Variants in CFAP77 observed in about 807,000 individuals in gnomAD.
The protein encoded by CFAP77 is cilia and flagella associated protein 77.
CFAP77 carries 25 observed loss-of-function variants against 31.1 expected under a neutral mutation model. That is an observed-to-expected ratio of 0.80 (90% CI 0.59 to 1.12). The LOEUF (loss-of-function observed/expected upper bound fraction) is 1.12. CFAP77 is among the 50% of genes most tolerant of loss of function. The pLI is 0.00. For synonymous variants in CFAP77, 151 were observed against 159.9 expected (o/e 0.94, Z 0.42); for missense variants, 377 against 397.3 (o/e 0.95, Z 0.44).
chr9:132,509,473 C>T (rs1171055406), intron 3 of CFAP77, among the ~76,000 whole-genome samples: 2 of 152,094 alleles, frequency 1.3e-5, no homozygotes, highest in Non-Finnish European at 2.9e-5. Context: ...TAAAAGGGGC[C>T]CAGGCTGAGG....
At chr9:132,566,499 T>A (rs1829885589) in intron 5 of CFAP77, among the ~76,000 whole-genome samples, 2 of 152,330 alleles carry the variant, frequency 1.3e-5, no homozygotes, top group Admixed American at 1.3e-4. Flanking sequence ...GGGCTCAACA[T>A]GCCAGTTCTG....
At chr9:132,437,185 C>T (rs1537400) in intron 1 of CFAP77, among the ~76,000 whole-genome samples, 6,708 of 152,252 alleles carry the variant, frequency 0.044, 225 homozygotes, top group Non-Finnish European at 0.062. Flanking sequence ...ATCGCCTTGT[C>T]CCCAAGCACT....
intron 1 of CFAP77, among the ~76,000 whole-genome samples, chr9:132,411,857 A>G (rs1444977673): frequency 4.1e-5 from 3 of 73,312 alleles, no homozygotes; most frequent in African/African-American, 5.5e-5. Context: ...GCTGAGCAAT[A>G]TGTACACACA....
chr9:132,432,714 T>C (rs575843830), intron 1 of CFAP77, among the ~76,000 whole-genome samples: 44 of 151,260 alleles, frequency 2.9e-4, no homozygotes, highest in Non-Finnish European at 5.9e-4. Flanking sequence ...ATTTTTTGTT[T>C]TGTTTTGTTT....
intron 1 of CFAP77, among the ~76,000 whole-genome samples, chr9:132,434,579 G>A (rs923323334): frequency 2.6e-5 from 4 of 151,966 alleles, no homozygotes; most frequent in Non-Finnish European, 4.4e-5. Context: ...CTCCATGAAG[G>A]AAGGCACAGC....
In CFAP77 at chr9:132,427,024, C is replaced by T. The variant is rs1330677675; in HGVS notation, c.195+16558C>T. Among the ~76,000 whole-genome samples, 5 of 152,082 alleles carry T rather than the reference C, an allele frequency of 3.3e-5. No homozygotes were observed. In the South Asian group the frequency reaches 6.2e-4, roughly 19 times the overall value. Reference sequence around the variant, plus strand: ...AGGTGATCATTATGTGGTTATTAATCGAAATATAAAGAAGACACTGCCTAA... The same window carrying T: ...AGGTGATCATTATGTGGTTATTAATTGAAATATAAAGAAGACACTGCCTAA... On this transcript the variant is annotated intron_variant, in intron 1 of 5. Coordinates refer to ENST00000393216, the MANE Select transcript of CFAP77 (RefSeq NM_001282957.2).
intron 1 of CFAP77, among the ~76,000 whole-genome samples, chr9:132,420,790 G>C (rs1850201465): frequency 6.6e-6 from 1 of 152,298 alleles, no homozygotes; most frequent in African/African-American, 2.4e-5. Flanking sequence ...CAAGGATACA[G>C]GGGTAAACCC....
chr9:132,444,303 G>T (rs968360065), intron 1 of CFAP77, among the ~76,000 whole-genome samples: 1 of 152,210 alleles, frequency 6.6e-6, no homozygotes, highest in Non-Finnish European at 1.5e-5. Flanking sequence ...CATTGCCAGG[G>T]AGACAAATGC....
intron 5 of CFAP77, among the ~76,000 whole-genome samples, chr9:132,551,217 A>G (rs1852815328): frequency 6.6e-6 from 1 of 151,954 alleles, no homozygotes; most frequent in Non-Finnish European, 1.5e-5. Flanking sequence ...GTTCCAAGAC[A>G]GCAGCAATGA....
At chr9:132,532,886 C>T (rs1352173745) in intron 3 of CFAP77, among the ~76,000 whole-genome samples, 2 of 152,148 alleles carry the variant, frequency 1.3e-5, no homozygotes, top group Admixed American at 6.5e-5. Flanking sequence ...CATATCTCTA[C>T]AAAAAATAAA....
chr9:132,442,534 C>A (rs147824568), intron 1 of CFAP77, among the ~76,000 whole-genome samples: 3 of 152,242 alleles, frequency 2.0e-5, no homozygotes, highest in African/African-American at 2.4e-5. Context: ...GCCTCGGCAA[C>A]ACAGTGAGAC....
intron 1 of CFAP77, among the ~76,000 whole-genome samples, chr9:132,428,740 A>C (rs892331749): frequency 1.3e-5 from 2 of 152,176 alleles, no homozygotes; most frequent in African/African-American, 4.8e-5. Context: ...CTTGCCATCC[A>C]TAGTCTGGGT....
chr9:132,456,744 T>C (rs1850921356), intron 1 of CFAP77, among the ~76,000 whole-genome samples: 1 of 152,090 alleles, frequency 6.6e-6, no homozygotes, highest in Non-Finnish European at 1.5e-5. Context: ...CAACTGGAGA[T>C]TTAAAAAAAA....
chr9:132,428,014 T>TC (rs896420883), intron 1 of CFAP77, among the ~76,000 whole-genome samples: 18 of 151,738 alleles, frequency 1.2e-4, no homozygotes, highest in African/African-American at 3.1e-4. Context: ...TTTTTTTTTT[T>TC]CTGAGACAGG....
intron 1 of CFAP77, among the ~76,000 whole-genome samples, chr9:132,428,819 C>G (rs1016157276): frequency 2.6e-5 from 4 of 151,924 alleles, no homozygotes; most frequent in African/African-American, 9.7e-5. Flanking sequence ...AAGACCCCCC[C>G]CTGCTCTGCG....
At chr9:132,439,656 C>T (rs1474285447) in intron 1 of CFAP77, among the ~76,000 whole-genome samples, 1 of 151,962 alleles carries the variant, frequency 6.6e-6, no homozygotes, top group South Asian at 2.1e-4. Context: ...ACCATCCTGG[C>T]TAACATGGTG....
intron 5 of CFAP77, among the ~76,000 whole-genome samples, chr9:132,558,180 G>A (rs1852933574): frequency 6.6e-6 from 1 of 152,160 alleles, no homozygotes; most frequent in African/African-American, 2.4e-5. Context: ...TCCTAAAATT[G>A]CTTATCTTTT....
chr9:132,453,208 A>G (rs1850856430), intron 1 of CFAP77, among the ~76,000 whole-genome samples: 1 of 152,134 alleles, frequency 6.6e-6, no homozygotes, highest in Admixed American at 6.6e-5. Flanking sequence ...AATCCTTCCC[A>G]AATTTAACGT....
At chr9:132,544,244 C>T (rs548450538) in intron 5 of CFAP77, among the ~76,000 whole-genome samples, 15 of 152,244 alleles carry the variant, frequency 9.9e-5, no homozygotes, top group Admixed American at 6.5e-4. Flanking sequence ...CCCGTCAGTG[C>T]GCTGCCTCCG....
Sources: allele counts gnomAD v4.1 joint callset (sites outside exome capture counted in the v4.1 genomes callset), GRCh38; gene constraint gnomAD v4.1.1; transcripts MANE v1.5; gene names NCBI Gene and HGNC (gene_info 2026-07-23, HGNC 2026-07-21).